FGF8: variants seen among roughly 807,000 people sequenced by gnomAD.
FGF8 encodes the protein fibroblast growth factor 8.
In FGF8, 12 loss-of-function variants were observed where a neutral mutation model predicts 29.7. That is an observed-to-expected ratio of 0.40 (90% confidence interval 0.26 to 0.65). FGF8 has a LOEUF of 0.65. FGF8 is among the 30% of genes least tolerant of loss of function. FGF8 has a pLI of 0.37. For synonymous variants in FGF8, 157 were observed against 144.4 expected, an observed-to-expected ratio of 1.09 and a Z score of -0.63; for missense variants, 271 against 345.1, an observed-to-expected ratio of 0.79 and a Z score of 1.70.
chr10:101,779,966 G>A (rs908396895), upstream of FGF8, among the ~76,000 whole-genome samples: 1 of 152,252 alleles, frequency 6.6e-6, no homozygotes, highest in Non-Finnish European at 1.5e-5. This position sits in a 1 kb window ranked among gnomAD's most constrained non-coding sequence, Gnocchi z 5.7. Flanking sequence ...GAGCAGTGGC[G>A]GGACTCGGAG....
At chr10:101,779,224 G>C (rs1001002866), upstream of FGF8, among the ~76,000 whole-genome samples, 1 of 152,208 alleles carries the variant, frequency 6.6e-6, no homozygotes, top group African/African-American at 2.4e-5. This position sits in a 1 kb window ranked among gnomAD's most constrained non-coding sequence, Gnocchi z 5.7. Context: ...TTCCTGCGCC[G>C]GGCGTTCAAA....
chr10:101,775,288 A>G lies in FGF8; in HGVS notation c.70-72T>C, dbSNP rs2065074407. ...CCCTGACATTTATAAAGACAAATTT[A>G]CGGAGCAAATGTTGAGAGTGCAGGG... On this transcript the variant is annotated intron_variant, in intron 2 of 5. Transcript: ENST00000320185. This position sits in a 1 kb window ranked among gnomAD's most constrained non-coding sequence, Gnocchi z 4.6. The G allele has an allele frequency of 1.8e-6, 2 of 1,126,040 alleles. No individual in the cohort carries two copies. Among genetic ancestry groups the G allele is most frequent in the African/African-American group, 1.5e-5 (1 of 65,196 alleles). The allele number at this position is 1,126,040 out of a possible 1,614,324, so 69.8% of individuals were successfully genotyped here.
At chr10:101,779,542 C>A (rs2065126492), upstream of FGF8, among the ~76,000 whole-genome samples, 2 of 152,112 alleles carry the variant, frequency 1.3e-5, no homozygotes, top group Admixed American at 1.3e-4. The surrounding 1 kb of genome is among the most constrained non-coding windows in gnomAD (Gnocchi z 5.7). Flanking sequence ...AACTCTTGGG[C>A]CGAGAGGCTG....
At position 101,770,514 on chromosome 10, in the gene FGF8, G is replaced by A. The variant is rs369967262; in HGVS notation, c.550C>T (p.Arg184Cys). 19 of 1,613,672 alleles carry A rather than the reference G, an allele frequency of 1.2e-5. No homozygotes were observed. Among genetic ancestry groups the A allele is most frequent in the South Asian group, 4.4e-5 (4 of 91,082 alleles). ...GAGCCCTTGCGGGGCCGGCCCTTGC[G>A]GGTGAAGGCCATGTACCAGCCCTCG... ...KYEGWYMAFTRKGRPRKGSKT... is the reference protein window; with the variant it reads ...KYEGWYMAFTCKGRPRKGSKT... Residue 184 changes from arginine (R) to cysteine (C), a missense_variant, in exon 6 of 6, where the codon CGC becomes TGC. Physicochemically the swap from Arg to Cys is radical, Grantham distance 180. Transcript: ENST00000320185.
intron 4 of FGF8, among the ~76,000 whole-genome samples, chr10:101,773,572 A>C (rs1227722184): frequency 6.6e-6 from 1 of 151,790 alleles, no homozygotes; most frequent in Admixed American, 6.6e-5. Flanking sequence ...TAACATTTTC[A>C]AACCTATTCT....
intron 3 of FGF8, 85 bp from the exon 4 acceptor site, chr10:101,774,997 C>T (rs1400216158): frequency 6.5e-7 from 1 of 1,536,350 alleles, no homozygotes; most frequent in East Asian, 2.3e-5. Flanking sequence ...CCTGCGTCCC[C>T]CTCACTGCCC....
upstream of FGF8, among the ~76,000 whole-genome samples, chr10:101,776,564 G>A (rs1333063269): frequency 3.9e-5 from 6 of 152,036 alleles, no homozygotes; most frequent in East Asian, 7.8e-4. Flanking sequence ...CTCCGCCTCC[G>A]GGCCCAGCCG....
At chr10:101,773,547 G>A (rs2065051191) in intron 4 of FGF8, among the ~76,000 whole-genome samples, 1 of 151,170 alleles carries the variant, frequency 6.6e-6, no homozygotes, top group Non-Finnish European at 1.5e-5. Flanking sequence ...CTCCCGACCG[G>A]GCTTTTGGAA....
chr10:101,775,201 C>G lies in FGF8; in HGVS notation c.85G>C (p.Gly29Arg). 3 of 1,547,746 alleles carry G rather than the reference C, an allele frequency of 1.9e-6. No homozygotes were observed. The highest frequency in any genetic ancestry group is 1.4e-5 in the African/African-American group (1 of 73,124). Reference protein sequence around the residue: ...CLQAQEGPGRGPALGRELASL... With the variant: ...CLQAQEGPGRRPALGRELASL... ...GCGAGCTCCCTGCCCAGCGCAGGGC[C>G]CCTGCCCGGGCCTTCCTAGAGGAGC... The change falls in exon 3 of 6, where the codon GGC becomes CGC. Residue 29 changes from glycine to arginine, a missense_variant. Gly to Arg is a moderately radical substitution (Grantham distance 125, BLOSUM62 -2). Coordinates refer to ENST00000320185, the MANE Select transcript of FGF8 (RefSeq NM_033163.5). This position sits in a 1 kb window ranked among gnomAD's most constrained non-coding sequence, Gnocchi z 4.6.
chr10:101,773,992 G>T (rs1169056419), intron 4 of FGF8, among the ~76,000 whole-genome samples: 1 of 152,072 alleles, frequency 6.6e-6, no homozygotes, highest in Non-Finnish European at 1.5e-5. Context: ...GTTTAACGTG[G>T]TCATTATTTA....
At position 101,771,305 on chromosome 10, in the gene FGF8, C is replaced by A. The variant is rs1337150853; in HGVS notation, c.444+158G>T. ...TCATCTCTCAAACAGCTTCCTTCTC[C>A]CTCACTCCTGCACCCAATCGTGAGG... On this transcript the variant is annotated intron_variant, in intron 5 of 5. Coordinates refer to ENST00000320185, the MANE Select transcript of FGF8 (RefSeq NM_033163.5). This position sits in a 1 kb window ranked among gnomAD's most constrained non-coding sequence, Gnocchi z 5.3. 6.6e-6 allele frequency among the ~76,000 whole-genome samples: 1 copy of A among 152,210 alleles called. No individual in the cohort carries two copies. Among genetic ancestry groups the A allele is most frequent in the East Asian group, 1.9e-4 (1 of 5,200 alleles).
chr10:101,771,508 C>T lies in FGF8; in HGVS notation c.399G>A (p.Thr133=), dbSNP rs150019367. Residue 133 remains threonine, a synonymous_variant, in exon 5 of 6, where the codon ACG becomes ACA. Transcript: ENST00000320185. The surrounding 1 kb of genome is among the most constrained non-coding windows in gnomAD (Gnocchi z 5.3). ...GSRVRVRGAE[T]GLYICMNKKG... ...TCTTGTTCATGCAGATGTAGAGGCC[C>T]GTCTCGGCTCCTCGGACTCGAACTC... 7 of 1,614,090 alleles carry T rather than the reference C, an allele frequency of 4.3e-6. No homozygotes were observed. Among genetic ancestry groups the T allele is most frequent in the African/African-American group, 2.7e-5 (2 of 74,942 alleles).
At chr10:101,779,354 G>C (rs1170444140), upstream of FGF8, among the ~76,000 whole-genome samples, 2 of 152,262 alleles carry the variant, frequency 1.3e-5, no homozygotes, top group Non-Finnish European at 2.9e-5. The surrounding 1 kb of genome is among the most constrained non-coding windows in gnomAD (Gnocchi z 5.7). Context: ...CCTTCCTCCA[G>C]CAGTCGGCAA....
At chr10:101,773,021 C>T (rs1048212700) in intron 4 of FGF8, among the ~76,000 whole-genome samples, 9 of 152,158 alleles carry the variant, frequency 5.9e-5, no homozygotes, top group East Asian at 3.8e-4. Flanking sequence ...GAAGTAGGTG[C>T]CTCTGCATCT....
At position 101,772,647 on chromosome 10, in the gene FGF8, C is replaced by T. The variant is rs1288138565; in HGVS notation, c.338-1078G>A. Among the ~76,000 whole-genome samples the T allele has an allele frequency of 6.6e-6, 1 of 152,222 alleles. No individual in the cohort carries two copies. The highest frequency in any genetic ancestry group is 2.4e-5 in the African/African-American group (1 of 41,466). On this transcript the variant is annotated intron_variant, in intron 4 of 5. Transcript: ENST00000320185. This position sits in a 1 kb window ranked among gnomAD's most constrained non-coding sequence, Gnocchi z 4.4. ...CTCTCCCCTCCCTGAGAAAGCAGTT[C>T]TTGGACTTAGCCTGCATTGACATAT...
chr10:101,775,706 C>T lies in FGF8; in HGVS notation c.69+34G>A, dbSNP rs3218227. On this transcript the variant is annotated intron_variant, in intron 2 of 5. Coordinates refer to ENST00000320185, the MANE Select transcript of FGF8 (RefSeq NM_033163.5). This position sits in a 1 kb window ranked among gnomAD's most constrained non-coding sequence, Gnocchi z 4.6. The stretch of plus-strand genomic sequence containing the variant: ...TGCCCACCCGGGTCTCACACCGGCG[C>T]GCCCGGCCCCCGCCTCCGCGCACCC... 655 of 1,540,538 alleles carry T rather than the reference C, an allele frequency of 4.3e-4. 4 individuals are homozygous for T. In the African/African-American group the frequency reaches 7.4e-3, roughly 18 times the overall value.
rs770331509 is a variant in FGF8, at chr10:101,775,838, G to A, written c.32+31C>T. The stretch of plus-strand genomic sequence containing the variant: ...GGGTGAGGCGAGGGGCGCGGGGGGC[G>A]GGTGGCGGGGCAGGGCGGCGCGGTA... On this transcript the variant is annotated intron_variant, in intron 1 of 5. Coordinates refer to ENST00000320185, the MANE Select transcript of FGF8 (RefSeq NM_033163.5). The surrounding 1 kb of genome is among the most constrained non-coding windows in gnomAD (Gnocchi z 4.6). 1 of 1,518,296 alleles carries A rather than the reference G, an allele frequency of 6.6e-7. No individual in the cohort carries two copies. The allele number at this position is 1,518,296 out of a possible 1,614,324, so 94.1% of individuals were successfully genotyped here. A position where few individuals can be genotyped will look rare whatever the true frequency, so the allele number is the denominator to read the frequency against.
upstream of FGF8, among the ~76,000 whole-genome samples, chr10:101,776,827 C>T (rs1031292792): frequency 2.7e-5 from 4 of 150,182 alleles, no homozygotes; most frequent in African/African-American, 9.8e-5. Flanking sequence ...CCCATTATCA[C>T]TATCACCCCT....
At position 101,775,064 on chromosome 10, in the gene FGF8, C is replaced by T; in HGVS notation, c.156+66G>A. On this transcript the variant is annotated intron_variant, in intron 3 of 5. Transcript: ENST00000320185. This position sits in a 1 kb window ranked among gnomAD's most constrained non-coding sequence, Gnocchi z 4.6. Reference sequence around the variant, plus strand: ...AACATGCCAGCCCAGGCCACCATCCCCCACCCACGCAAGTCGGGCAGACCC... The same window carrying T: ...AACATGCCAGCCCAGGCCACCATCCTCCACCCACGCAAGTCGGGCAGACCC... 6.6e-7 allele frequency: 1 copy of T among 1,508,052 alleles called. No homozygotes were observed. The highest frequency in any genetic ancestry group is 1.4e-5 in the African/African-American group (1 of 72,508). The allele number at this position is 1,508,052 out of a possible 1,614,324, so 93.4% of individuals were successfully genotyped here.
Sources: gnomAD v4.1 joint callset for allele counts (sites outside exome capture counted in the v4.1 genomes callset) on GRCh38, gnomAD v4.1.1 for gene constraint, Gnocchi (gnomAD v3.1) non-coding constraint, MANE v1.5 for transcripts, NCBI Gene and HGNC (gene_info 2026-07-23, HGNC 2026-07-21) for gene names.